The following PTPRD variants were observed in gnomAD, a reference collection of about 807,000 sequenced individuals.
The protein encoded by PTPRD is protein tyrosine phosphatase receptor type D.
Under a neutral mutation model 214.5 loss-of-function variants are expected in PTPRD, and 34 were observed. That is an observed-to-expected ratio of 0.16 (90% CI 0.12 to 0.21). The LOEUF (loss-of-function observed/expected upper bound fraction) is 0.21. Ranked by LOEUF, PTPRD falls within the 10% of genes least tolerant of loss-of-function variation. PTPRD has a pLI of 1.00. For synonymous variants in PTPRD, 1,128 were observed against 845.7 expected, an observed-to-expected ratio of 1.33 and a Z score of -5.79; for missense variants, 2,545 against 2,398.7, an observed-to-expected ratio of 1.06 and a Z score of -1.27.
At chr9:9,514,546 G>A (rs192826951) in intron 8 of PTPRD, among the ~76,000 whole-genome samples, 2 of 152,104 alleles carry the variant, frequency 1.3e-5, no homozygotes, top group African/African-American at 4.8e-5. Context: ...GGAGTTCTTG[G>A]GTGATTAATG....
chr9:9,374,302 T>G (rs2060240189), intron 9 of PTPRD, among the ~76,000 whole-genome samples: 1 of 152,078 alleles, frequency 6.6e-6, no homozygotes, highest in Admixed American at 6.6e-5. Flanking sequence ...TTAAAACTTT[T>G]TATAAGGAAT....
intron 4 of PTPRD, among the ~76,000 whole-genome samples, chr9:9,947,594 A>ATT (rs1566625136): frequency 9.4e-4 from 44 of 47,006 alleles, no homozygotes; most frequent in African/African-American, 4.7e-3. Context: ...TATTATATAT[A>ATT]TAATATATAT....
intron 8 of PTPRD, among the ~76,000 whole-genome samples, chr9:9,405,154 C>G (rs2072769473): frequency 6.6e-6 from 1 of 152,070 alleles, no homozygotes; most frequent in Non-Finnish European, 1.5e-5. Flanking sequence ...CTCACAATTT[C>G]TTCAGTAGGA....
intron 37 of PTPRD, among the ~76,000 whole-genome samples, chr9:8,388,697 G>A (rs957860189): frequency 9.9e-5 from 15 of 152,030 alleles, no homozygotes; most frequent in Non-Finnish European, 1.0e-4. Context: ...CTAGCAAAAC[G>A]CCCTCTATGC....
intron 21 of PTPRD, among the ~76,000 whole-genome samples, chr9:8,508,867 GTATA>G (rs58631303): frequency 0.19 from 28,362 of 147,488 alleles, 2,948 homozygotes; most frequent in African/African-American, 0.27. Context: ...GTCAGCCTGT[GTATA>G]TATATGTGTG....
intron 11 of PTPRD, among the ~76,000 whole-genome samples, chr9:8,772,241 T>C (rs1445482158): frequency 6.6e-6 from 1 of 152,160 alleles, no homozygotes; most frequent in Non-Finnish European, 1.5e-5. Context: ...TTCATTAACC[T>C]TTTCTTCTGT....
chr9:10,349,039 G>A (rs1343999798), intron 2 of PTPRD, among the ~76,000 whole-genome samples: 2 of 152,010 alleles, frequency 1.3e-5, no homozygotes, highest in African/African-American at 4.8e-5. Context: ...CTGCACACCT[G>A]AAACAAATGC....
intron 2 of PTPRD, among the ~76,000 whole-genome samples, chr9:10,575,267 TAAAC>T (rs2068842347): frequency 6.6e-6 from 1 of 152,012 alleles, no homozygotes; most frequent in Admixed American, 6.6e-5. Flanking sequence ...TAATTACAAT[TAAAC>T]AAACAATCTT....
intron 9 of PTPRD, among the ~76,000 whole-genome samples, chr9:9,323,430 G>T (rs1052409610): frequency 1.3e-5 from 2 of 152,158 alleles, no homozygotes; most frequent in African/African-American, 4.8e-5. Flanking sequence ...GCTTAGAGAA[G>T]TTAAGTAATA....
intron 5 of PTPRD, among the ~76,000 whole-genome samples, chr9:9,912,226 GAGC>G (rs2153830641): frequency 6.6e-6 from 1 of 151,986 alleles, no homozygotes; most frequent in South Asian, 2.1e-4. Context: ...AAAGATAAAG[GAGC>G]AGGTCAGCCC....
At chr9:8,320,355 G>A (rs886717748) in intron 44 of PTPRD, among the ~76,000 whole-genome samples, 1 of 152,180 alleles carries the variant, frequency 6.6e-6, no homozygotes, top group Middle Eastern at 3.4e-3. Flanking sequence ...AGAATAAGGT[G>A]AAGTGAATTT....
At chr9:8,985,347 C>A (rs2099335957) in intron 11 of PTPRD, among the ~76,000 whole-genome samples, 1 of 151,934 alleles carries the variant, frequency 6.6e-6, no homozygotes, top group Non-Finnish European at 1.5e-5. Context: ...AATGAAGCTA[C>A]AACTTATTTA....
At chr9:9,558,748 A>T (rs2082148335) in intron 8 of PTPRD, among the ~76,000 whole-genome samples, 2 of 152,198 alleles carry the variant, frequency 1.3e-5, no homozygotes, top group African/African-American at 4.8e-5. Context: ...TATCAGTACT[A>T]GGCTGGACTG....
chr9:10,444,515 T>C (rs921561628), intron 2 of PTPRD, among the ~76,000 whole-genome samples: 4 of 152,008 alleles, frequency 2.6e-5, no homozygotes, highest in African/African-American at 9.6e-5. Flanking sequence ...GATATTATTC[T>C]ACTTTAACTC....
chr9:9,901,384 A>G (rs1481582085), intron 5 of PTPRD, among the ~76,000 whole-genome samples: 2 of 152,138 alleles, frequency 1.3e-5, no homozygotes, highest in Non-Finnish European at 2.9e-5. Flanking sequence ...ATAAGTTGTC[A>G]TAACTATGGA....
chr9:10,013,240 G>A (rs1260139042), intron 4 of PTPRD, among the ~76,000 whole-genome samples: 1 of 151,844 alleles, frequency 6.6e-6, no homozygotes, highest in Admixed American at 6.6e-5. Context: ...GGACACTGGA[G>A]GAGACATCAG....
intron 39 of PTPRD, among the ~76,000 whole-genome samples, chr9:8,360,961 G>A (rs2078319357): frequency 6.6e-6 from 1 of 152,156 alleles, no homozygotes; most frequent in South Asian, 2.1e-4. Flanking sequence ...ATGATTCAAT[G>A]TGCACATATA....
At chr9:8,591,031 G>A (rs1488389426) in intron 14 of PTPRD, among the ~76,000 whole-genome samples, 1 of 152,050 alleles carries the variant, frequency 6.6e-6, no homozygotes, top group African/African-American at 2.4e-5. Flanking sequence ...CTTGGCTTGT[G>A]ATCCTTTTTC....
At chr9:9,325,447 T>G (rs899943532) in intron 9 of PTPRD, among the ~76,000 whole-genome samples, 17 of 152,178 alleles carry the variant, frequency 1.1e-4, no homozygotes, top group Non-Finnish European at 1.9e-4. Flanking sequence ...TTATTCCCTT[T>G]GTAGCCATTG....
Sources: allele counts gnomAD v4.1 joint callset (sites outside exome capture counted in the v4.1 genomes callset), GRCh38; gene constraint gnomAD v4.1.1; transcripts MANE v1.5; gene names NCBI Gene and HGNC (gene_info 2026-07-23, HGNC 2026-07-21).